MKRN2: variants seen among roughly 807,000 people sequenced by gnomAD.
The protein encoded by MKRN2 is E3 ubiquitin-protein ligase makorin-2.
A neutral mutation model predicts 45.4 loss-of-function variants in MKRN2; 32 were observed. That is an observed-to-expected ratio of 0.70 (90% CI 0.53 to 0.95). The LOEUF (loss-of-function observed/expected upper bound fraction) is 0.95. MKRN2 is among the 40% of genes least tolerant of loss of function. The pLI, the probability that MKRN2 is intolerant of heterozygous loss-of-function variation, is 0.00. For missense variants in MKRN2, 526 were observed against 536.7 expected, an observed-to-expected ratio of 0.98 and a Z score of 0.20; for synonymous variants, 206 against 192.4, an observed-to-expected ratio of 1.07 and a Z score of -0.59.
intron 4 of MKRN2, among the ~76,000 whole-genome samples, chr3:12,573,044 G>A (rs2058109182): frequency 6.6e-6 from 1 of 152,116 alleles, no homozygotes; most frequent in Non-Finnish European, 1.5e-5. Flanking sequence ...CTCCCTCCCT[G>A]GGTTCACACT....
At chr3:12,567,481 C>CTTTTTT (rs35726193) in intron 1 of MKRN2, among the ~76,000 whole-genome samples, 3 of 76,976 alleles carry the variant, frequency 3.9e-5, no homozygotes, top group African/African-American at 1.1e-4. Flanking sequence ...GCTAGTTTAT[C>CTTTTTT]TTTTTTTTTT....
chr3:12,570,334 G>A (rs964330449), intron 3 of MKRN2, 82 bp downstream of exon 3: 14 of 1,412,798 alleles, frequency 9.9e-6, no homozygotes, highest in Non-Finnish European at 9.7e-6. Context: ...GCCTCCTCTT[G>A]TCAAGAGGAC....
chr3:12,574,795 T>C lies in MKRN2; in HGVS notation c.646T>C (p.Cys216Arg), dbSNP rs1351537303. ...TTCCTTCCTGTCTGTGCTTCAGATC[T>C]GCATGTTGACGTTCGAACACGAGAT... Reference protein sequence around the residue: ...PEQRKAHEKICMLTFEHEMEK... With the variant: ...PEQRKAHEKIRMLTFEHEMEK... The change falls in exon 5 of 8, where the codon TGC (cysteine) becomes CGC (arginine). Residue 216 changes from cysteine (C) to arginine (R), a missense_variant. Physicochemically the swap from Cys to Arg is radical, Grantham distance 180. Transcript: ENST00000170447. 3 of 1,612,664 alleles carry C rather than the reference T, an allele frequency of 1.9e-6. No individual in the cohort carries two copies. The highest frequency in any genetic ancestry group is 2.7e-5 in the African/African-American group (2 of 74,914).
intron 2 of MKRN2, among the ~76,000 whole-genome samples, chr3:12,569,224 C>T (rs928745541): frequency 1.4e-5 from 2 of 142,500 alleles, no homozygotes; most frequent in Non-Finnish European, 3.0e-5. Context: ...GGCAGTGGTG[C>T]GATCTCAGTT....
intron 1 of MKRN2, among the ~76,000 whole-genome samples, chr3:12,558,324 G>A (rs566056329): frequency 3.9e-5 from 6 of 152,300 alleles, no homozygotes; most frequent in African/African-American, 1.4e-4. Flanking sequence ...ATTTGTACTA[G>A]AAGGTGTTTT....
At chr3:12,577,742 C>T (rs1575522937) in intron 6 of MKRN2, among the ~76,000 whole-genome samples, 1 of 151,704 alleles carries the variant, frequency 6.6e-6, no homozygotes, top group African/African-American at 2.4e-5. Flanking sequence ...GTGGCACAAT[C>T]TCGGCTCACT....
intron 1 of MKRN2, among the ~76,000 whole-genome samples, chr3:12,565,333 C>A (rs774181923): frequency 6.6e-6 from 1 of 152,066 alleles, no homozygotes; most frequent in Non-Finnish European, 1.5e-5. Flanking sequence ...TCCCCAGTCT[C>A]CTGTATTTTC....
intron 3 of MKRN2, among the ~76,000 whole-genome samples, 177 bp from the exon 4 acceptor site, chr3:12,571,892 C>T (rs1361902537): frequency 6.6e-6 from 1 of 151,966 alleles, no homozygotes; most frequent in African/African-American, 2.4e-5. Flanking sequence ...AGTAATGTCA[C>T]TATGAACATT....
intron 4 of MKRN2, among the ~76,000 whole-genome samples, 191 bp from the exon 5 acceptor site, chr3:12,574,601 G>A (rs895061420): frequency 1.3e-5 from 2 of 152,228 alleles, no homozygotes; most frequent in African/African-American, 4.8e-5. Context: ...GTGATGGTTT[G>A]AAGTCCTTTG....
chr3:12,576,334 C>T (rs546407730), intron 5 of MKRN2, among the ~76,000 whole-genome samples: 1 of 151,976 alleles, frequency 6.6e-6, no homozygotes, highest in East Asian at 1.9e-4. Flanking sequence ...AACCCATCAC[C>T]TAGGTTTTCA....
chr3:12,576,944 T>G (rs547837682), intron 6 of MKRN2: 13 of 265,680 alleles, frequency 4.9e-5, no homozygotes, highest in East Asian at 3.7e-4. Flanking sequence ...TTTTTTTTTT[T>G]TTTTTTTTTT....
At chr3:12,578,858 A>ATTTTTTTTTTTTTTTTTT (rs374121518) in intron 6 of MKRN2, among the ~76,000 whole-genome samples, 2 of 125,228 alleles carry the variant, frequency 1.6e-5, no homozygotes, top group Non-Finnish European at 3.3e-5. Flanking sequence ...CTAAAGCTTG[A>ATTTTTTTTTTTTTTTTTT]TTTTTTTTTT....
intron 1 of MKRN2, among the ~76,000 whole-genome samples, chr3:12,568,125 A>G (rs1322922654): frequency 6.6e-6 from 1 of 152,236 alleles, no homozygotes; most frequent in Non-Finnish European, 1.5e-5. Flanking sequence ...ATTTTGTGTT[A>G]GATGATTTGG....
rs1396808328 is a variant in MKRN2 at position 12,582,502 on chromosome 3, CA to C, written c.*250del. 1 of 422,888 alleles carries C rather than the reference CA, an allele frequency of 2.4e-6. No individual in the cohort carries two copies. The highest frequency in any genetic ancestry group is 3.7e-5 in the Admixed American group (1 of 26,888). The allele number at this position is 422,888 out of a possible 1,614,324, so 26.2% of individuals were successfully genotyped here. The stretch of plus-strand genomic sequence containing the variant: ...TGATATAGTTACACCTCAAGCCCCT[CA>C]GGGGTAACAACTAACAAACACCCAA... On this transcript the variant is annotated 3_prime_UTR_variant, in exon 8 of 8. Transcript: ENST00000170447.
At chr3:12,571,693 A>G (rs1457188082) in intron 3 of MKRN2, among the ~76,000 whole-genome samples, 2 of 152,182 alleles carry the variant, frequency 1.3e-5, no homozygotes. Flanking sequence ...GTATGAAGGA[A>G]ACACTGTGTT....
At position 12,557,185 on chromosome 3, in the gene MKRN2, G is replaced by A; in HGVS notation, c.26+9G>A. ...AAGCAGATCACTTGCAGGTCAGTGC[G>A]CTGGAGCCAGGAGCTTCGGGCCGCT... On this transcript the variant is annotated intron_variant, in intron 1 of 7. Transcript: ENST00000170447. The A allele has an allele frequency of 6.5e-7, 1 of 1,535,262 alleles. No homozygotes were observed.
chr3:12,563,063 G>T (rs1451792411), intron 1 of MKRN2, among the ~76,000 whole-genome samples: 1 of 152,124 alleles, frequency 6.6e-6, no homozygotes, highest in African/African-American at 2.4e-5. Flanking sequence ...TGATCTAATG[G>T]TAGGCCACAA....
chr3:12,573,121 G>T (rs976038963), intron 4 of MKRN2, among the ~76,000 whole-genome samples: 1 of 152,098 alleles, frequency 6.6e-6, no homozygotes, highest in Admixed American at 6.5e-5. Context: ...AGAATCTGAG[G>T]AGCCACTTGT....
chr3:12,581,996 T>C (rs1216342009), intron 7 of MKRN2, 44 bp downstream of exon 7: 1 of 1,609,782 alleles, frequency 6.2e-7, no homozygotes, highest in Non-Finnish European at 8.5e-7. Flanking sequence ...TTAGCAGCTG[T>C]GGGCATTTCC....
Sources: allele counts gnomAD v4.1 joint callset (sites outside exome capture counted in the v4.1 genomes callset), GRCh38; gene constraint gnomAD v4.1.1; transcripts MANE v1.5; gene names NCBI Gene and HGNC (gene_info 2026-07-23, HGNC 2026-07-21).